Variants in ANKRD53 observed in about 807,000 individuals in gnomAD.
ANKRD53 encodes the protein ankyrin repeat domain 53.
A neutral mutation model predicts 30.1 loss-of-function variants in ANKRD53; 27 were observed. The ratio of observed to expected loss-of-function variants is 0.90; its 90% CI spans 0.66 to 1.24. ANKRD53 has a LOEUF of 1.24. Among genes scored for constraint, ANKRD53 ranks in the 50% most tolerant of loss-of-function variants. ANKRD53 has a pLI of 0.00. For missense variants in ANKRD53, 682 were observed against 721.0 expected (o/e 0.95, Z 0.62); for synonymous variants, 286 against 295.4 (o/e 0.97, Z 0.33).
chr2:70,981,830 T>G, intron 3 of ANKRD53, 106 bp from the exon 4 acceptor site: 1 of 1,265,980 alleles, frequency 7.9e-7, no homozygotes, highest in Non-Finnish European at 1.1e-6. Flanking sequence ...CCCAGTGGAC[T>G]GATGGTAGAG....
chr2:70,979,516 C>T, intron 2 of ANKRD53, 145 bp from the exon 3 acceptor site: 1 of 1,385,692 alleles, frequency 7.2e-7, no homozygotes, highest in Non-Finnish European at 9.7e-7. Flanking sequence ...CTGATGAACA[C>T]ACACTGGTTA....
In ANKRD53 at chr2:70,985,432, T is replaced by C; in HGVS notation, c.*132T>C. 1 of 808,998 alleles carries C rather than the reference T, an allele frequency of 1.2e-6. No individual in the cohort carries two copies. The highest frequency in any genetic ancestry group is 1.8e-5 in the South Asian group (1 of 55,098). The allele number at this position is 808,998 out of a possible 1,614,324, so 50.1% of individuals were successfully genotyped here. ...CACTCCCAAGCTCGAGGAGTCACCC[T>C]TCCCAATCAAAAGCCCAGACCCCAG... On this transcript the variant is annotated 3_prime_UTR_variant, in exon 6 of 6. Transcript: ENST00000360589.
Position 70,978,633 on chromosome 2 carries a change from T to G in ANKRD53, c.-13T>G. 1 of 1,511,988 alleles carries G rather than the reference T, an allele frequency of 6.6e-7. No individual in the cohort carries two copies. Among genetic ancestry groups the G allele is most frequent in the Non-Finnish European group, 8.8e-7 (1 of 1,130,536 alleles). The allele number at this position is 1,511,988 out of a possible 1,614,324, so 93.7% of individuals were successfully genotyped here. On this transcript the variant is annotated 5_prime_UTR_variant, in exon 1 of 6. Coordinates refer to ENST00000360589, the MANE Select transcript of ANKRD53 (RefSeq NM_001115116.2). This position sits in a 1 kb window ranked among gnomAD's most constrained non-coding sequence, Gnocchi z 4.3. The stretch of plus-strand genomic sequence containing the variant: ...GTAGCCCGCCCGGCCCGGGTCCGAG[T>G]TCCAGCCCCGCGATGGCCTCCGCGG...
chr2:70,981,462 A>G (rs981218005), intron 3 of ANKRD53, among the ~76,000 whole-genome samples: 4 of 152,326 alleles, frequency 2.6e-5, no homozygotes, highest in Admixed American at 6.5e-5. Context: ...AGACAGAGTG[A>G]GCCAGCCATG....
Position 70,982,714 on chromosome 2 carries a change from G to C in ANKRD53, c.903+17G>C, listed in dbSNP as rs1205441662. ...GAGTATCAAGTAAGGGGGACAGCAG[G>C]GGGGCCAGGGGACAGCTGCTATCCA... On this transcript the variant is annotated intron_variant, in intron 5 of 5. Coordinates refer to ENST00000360589, the MANE Select transcript of ANKRD53 (RefSeq NM_001115116.2). This position sits in a 1 kb window ranked among gnomAD's most constrained non-coding sequence, Gnocchi z 4.2. 3.1e-6 allele frequency: 5 copies of C among 1,612,562 alleles called. No homozygotes were observed. Among genetic ancestry groups the C allele is most frequent in the Admixed American group, 1.7e-5 (1 of 59,964 alleles).
rs782483130 is a variant in ANKRD53 at position 70,984,628 on chromosome 2, C to G, written c.921C>G (p.Leu307=). The change falls in exon 6 of 6, where the codon CTC becomes CTG. Residue 307 remains leucine, a synonymous_variant. Coordinates refer to ENST00000360589, the MANE Select transcript of ANKRD53 (RefSeq NM_001115116.2). The stretch of plus-strand genomic sequence containing the variant: ...TGTTGCAGAAAGAGCACAAAATTCT[C>G]AGAGAAGCTGCTATCAGAAAGTGGC... ...LIEYQKEHKI[L]REAAIRKWLH... 2 of 1,613,996 alleles carry G rather than the reference C, an allele frequency of 1.2e-6. No homozygotes were observed. Among genetic ancestry groups the G allele is most frequent in the Non-Finnish European group, 1.7e-6 (2 of 1,179,912 alleles).
chr2:70,980,504 G>A (rs1669975677), intron 3 of ANKRD53, among the ~76,000 whole-genome samples: 1 of 151,396 alleles, frequency 6.6e-6, no homozygotes, highest in East Asian at 2.0e-4. Context: ...ACACCTGGCC[G>A]GGTGGCATGG....
intron 5 of ANKRD53, among the ~76,000 whole-genome samples, chr2:70,983,336 A>G (rs1208680967): frequency 6.6e-6 from 1 of 152,224 alleles, no homozygotes; most frequent in African/African-American, 2.4e-5. Context: ...TGGGAACATG[A>G]TGTATGCAGA....
Position 70,981,924 on chromosome 2 carries a change from G to A in ANKRD53, c.618-12G>A, listed in dbSNP as rs565226656. ...TTTCTGCCCTTATCCCCACTGGTGGGGCCTTCCACAGTCAGACATGCAACG... is the reference window on the plus strand; with the variant it reads ...TTTCTGCCCTTATCCCCACTGGTGGAGCCTTCCACAGTCAGACATGCAACG... On this transcript the variant is annotated splice_polypyrimidine_tract_variant and intron_variant, in intron 3 of 5. Transcript: ENST00000360589. 6.4e-6 allele frequency: 10 copies of A among 1,556,212 alleles called. No individual in the cohort carries two copies. In the South Asian group the frequency reaches 9.6e-5, roughly 15 times the overall value.
Position 70,985,412 on chromosome 2 carries a change from C to G in ANKRD53, c.*112C>G. On this transcript the variant is annotated 3_prime_UTR_variant, in exon 6 of 6. Coordinates refer to ENST00000360589, the MANE Select transcript of ANKRD53 (RefSeq NM_001115116.2). The stretch of plus-strand genomic sequence containing the variant: ...AGGGGTGCCTATGGGCTTCCCACTC[C>G]CAAGCTCGAGGAGTCACCCTTCCCA... The G allele has an allele frequency of 1.0e-6, 1 of 1,001,740 alleles. No individual in the cohort carries two copies. 62.1% of individuals were successfully genotyped at this position (1,001,740 alleles called of 1,614,324 possible). A position where few individuals can be genotyped will look rare whatever the true frequency, so the allele number is the denominator to read the frequency against.
chr2:70,980,807 G>A (rs375186407), intron 3 of ANKRD53, among the ~76,000 whole-genome samples: 4 of 151,074 alleles, frequency 2.6e-5, no homozygotes, highest in South Asian at 2.1e-4. Context: ...TTAACCGGGC[G>A]TAGTGGCGGG....
chr2:70,985,074 T>C lies in ANKRD53; in HGVS notation c.1367T>C (p.Leu456Pro), dbSNP rs1553424569. The change falls in exon 6 of 6, where the codon CTG becomes CCG. Residue 456 changes from leucine (L) to proline (P), a missense_variant. Transcript: ENST00000360589. ...PVPRLPFEVLLRMLYPRVWPY... is the reference protein window; with the variant it reads ...PVPRLPFEVLPRMLYPRVWPY... ...CCGCGGCTGCCTTTTGAGGTGCTGC[T>C]GCGCATGCTGTACCCACGTGTATGG... 6.4e-7 allele frequency: 1 copy of C among 1,550,524 alleles called. No individual in the cohort carries two copies. Among genetic ancestry groups the C allele is most frequent in the Admixed American group, 2.0e-5 (1 of 51,010 alleles).
rs555611778 is a variant in ANKRD53, at chr2:70,984,251, T to C, written c.904-360T>C. 1.3e-4 allele frequency: 210 copies of C among 1,614,192 alleles called. 3 individuals carry two copies. In the South Asian group the frequency reaches 2.2e-3, roughly 17 times the overall value. On this transcript the variant is annotated intron_variant, in intron 5 of 5. Coordinates refer to ENST00000360589, the MANE Select transcript of ANKRD53 (RefSeq NM_001115116.2). The stretch of plus-strand genomic sequence containing the variant: ...GGAGAAGAAGGGAATTGTCTTTCTG[T>C]AAGACTTGAGGTTTTCCCTAGGGCA...
chr2:70,978,967 G>A lies in ANKRD53; in HGVS notation c.171-130G>A. The A allele has an allele frequency of 1.4e-6, 2 of 1,444,572 alleles. No individual in the cohort carries two copies. The highest frequency in any genetic ancestry group is 3.0e-5 in the South Asian group (2 of 67,764). 89.5% of individuals were successfully genotyped at this position (1,444,572 alleles called of 1,614,324 possible). ...GGGGCCAGGGATCGCCTCCCGAGAGGTGCCTAGGCCGTGGCCCAGAGTCGC... is the reference window on the plus strand; with the variant it reads ...GGGGCCAGGGATCGCCTCCCGAGAGATGCCTAGGCCGTGGCCCAGAGTCGC... On this transcript the variant is annotated intron_variant, in intron 1 of 5. Coordinates refer to ENST00000360589, the MANE Select transcript of ANKRD53 (RefSeq NM_001115116.2). The surrounding 1 kb of genome is among the most constrained non-coding windows in gnomAD (Gnocchi z 4.3).
In ANKRD53 at chr2:70,985,164, G is replaced by A. The variant is rs944059619; in HGVS notation, c.1457G>A (p.Arg486Gln). Residue 486 changes from arginine to glutamine, a missense_variant, in exon 6 of 6, where the codon CGG (arginine) becomes CAG (glutamine). Physicochemically the swap from Arg to Gln is conservative, Grantham distance 43. Coordinates refer to ENST00000360589, the MANE Select transcript of ANKRD53 (RefSeq NM_001115116.2). ...AGCATGAGGGAAGTGCCCAGGAAGCGGCACCTGGGTGACAACACCTTCTGG... is the reference window on the plus strand; with the variant it reads ...AGCATGAGGGAAGTGCCCAGGAAGCAGCACCTGGGTGACAACACCTTCTGG... ...PISMREVPRK[R>Q]HLGDNTFWTD... The A allele has an allele frequency of 1.7e-5, 27 of 1,551,222 alleles. No individual in the cohort carries two copies. Among genetic ancestry groups the A allele is most frequent in the African/African-American group, 5.5e-5 (4 of 73,172 alleles).
intron 5 of ANKRD53, among the ~76,000 whole-genome samples, chr2:70,983,755 A>C (rs1313971477): frequency 3.3e-5 from 5 of 152,090 alleles, no homozygotes; most frequent in African/African-American, 1.2e-4. Context: ...TCAAGTGTCC[A>C]TTCTCGTTCC....
rs1670113927 is a variant in ANKRD53, at chr2:70,984,601, G to A, written c.904-10G>A. 1.2e-6 allele frequency: 2 copies of A among 1,613,298 alleles called. No individual in the cohort carries two copies. The highest frequency in any genetic ancestry group is 2.2e-5 in the South Asian group (2 of 91,006). Reference sequence around the variant, plus strand: ...CCTCCATGACTCTCTTGTGCCCTCTGTTGTTGCAGAAAGAGCACAAAATTC... The same window carrying A: ...CCTCCATGACTCTCTTGTGCCCTCTATTGTTGCAGAAAGAGCACAAAATTC... On this transcript the variant is annotated splice_polypyrimidine_tract_variant and intron_variant, in intron 5 of 5. Transcript: ENST00000360589.
Position 70,979,266 on chromosome 2 carries a change from G to A in ANKRD53, c.340G>A (p.Ala114Thr). ...GATCGGGAGCTACTACCAGCTGTTC[G>A]CAGCGGCTGTGGGCAACGTGGAATG... is the stretch of plus-strand genomic sequence containing the variant. ...TAIGSYYQLF[A>T]AAVGNVEWLR... Residue 114 changes from alanine (A) to threonine (T), a missense_variant, in exon 2 of 6, where the codon GCA becomes ACA. Transcript: ENST00000360589. The A allele has an allele frequency of 1.2e-6, 2 of 1,613,746 alleles. No individual in the cohort carries two copies. The highest frequency in any genetic ancestry group is 1.1e-5 in the South Asian group (1 of 91,086).
Position 70,982,894 on chromosome 2 carries a change from C to A in ANKRD53, c.903+197C>A, listed in dbSNP as rs1670053908. Among the ~76,000 whole-genome samples the A allele has an allele frequency of 6.6e-6, 1 of 152,194 alleles. No individual in the cohort carries two copies. Among genetic ancestry groups the A allele is most frequent in the Non-Finnish European group, 1.5e-5 (1 of 68,046 alleles). ...ATAAGCCAGTCTTTTGGTCAAAAGTCTTATCCTGTGTTAGAAAGCCAATTT... is the reference window on the plus strand; with the variant it reads ...ATAAGCCAGTCTTTTGGTCAAAAGTATTATCCTGTGTTAGAAAGCCAATTT... On this transcript the variant is annotated intron_variant, in intron 5 of 5. Coordinates refer to ENST00000360589, the MANE Select transcript of ANKRD53 (RefSeq NM_001115116.2). This position sits in a 1 kb window ranked among gnomAD's most constrained non-coding sequence, Gnocchi z 4.2.
Sources: allele counts gnomAD v4.1 joint callset (sites outside exome capture counted in the v4.1 genomes callset), GRCh38; gene constraint gnomAD v4.1.1; non-coding constraint Gnocchi (gnomAD v3.1); transcripts MANE v1.5; gene names NCBI Gene and HGNC (gene_info 2026-07-23, HGNC 2026-07-21).